PDE1C: variants seen among roughly 807,000 people sequenced by gnomAD.
The protein encoded by PDE1C is phosphodiesterase 1C.
Under a neutral mutation model 93.1 loss-of-function variants are expected in PDE1C, and 62 were observed. The ratio of observed to expected loss-of-function variants is 0.67; its 90% CI spans 0.54 to 0.82. The LOEUF is 0.82. Ranked by LOEUF, PDE1C falls within the 40% of genes least tolerant of loss-of-function variation. PDE1C has a pLI of 0.00. For missense variants in PDE1C, 742 were observed against 884.6 expected (o/e 0.84, Z 2.04); for synonymous variants, 325 against 310.1 (o/e 1.05, Z -0.50).
intron 15 of PDE1C, among the ~76,000 whole-genome samples, chr7:31,811,510 A>G (rs1787545242): frequency 6.6e-6 from 1 of 152,086 alleles, no homozygotes; most frequent in Non-Finnish European, 1.5e-5. Context: ...AGGTCCCACA[A>G]AACAGTCCAA....
intron 2 of PDE1C, among the ~76,000 whole-genome samples, chr7:31,984,104 A>G (rs962658123): frequency 2.6e-5 from 4 of 152,272 alleles, no homozygotes; most frequent in Admixed American, 6.5e-5. Context: ...GGAAAGGGCT[A>G]GATCAGGGGT....
At chr7:31,760,049 C>A (rs6945316) in intron 17 of PDE1C, among the ~76,000 whole-genome samples, 66,650 of 151,944 alleles carry the variant, frequency 0.44, 14,999 homozygotes, top group Non-Finnish European at 0.47. Context: ...TATTAGTCTA[C>A]TGGAAACCAA....
chr7:31,897,575 G>A (rs556184097), intron 2 of PDE1C, among the ~76,000 whole-genome samples: 2 of 152,186 alleles, frequency 1.3e-5, no homozygotes, highest in Admixed American at 6.5e-5. Context: ...TCACAATGAC[G>A]AGAGCATATT....
chr7:32,265,476 C>T (rs1004982909), intron 1 of PDE1C, among the ~76,000 whole-genome samples: 10 of 152,108 alleles, frequency 6.6e-5, no homozygotes, highest in Non-Finnish European at 1.2e-4. Context: ...ATGTAATGGA[C>T]GCCACTATAT....
chr7:32,225,294 T>C (rs1483795380), intron 1 of PDE1C, among the ~76,000 whole-genome samples: 1 of 152,068 alleles, frequency 6.6e-6, no homozygotes, highest in Non-Finnish European at 1.5e-5. Flanking sequence ...CGTCTCCCTT[T>C]GTATAAGTTT....
At chr7:31,643,416 T>A in the PDE1C span, 2 of 1,613,972 alleles carry the variant, frequency 1.2e-6, no homozygotes, top group Non-Finnish European at 1.7e-6. Context: ...CAAGGTCTGG[T>A]ACTTTGGGTC....
At chr7:31,832,240 T>C (rs144286286) in intron 11 of PDE1C, among the ~76,000 whole-genome samples, 120 of 152,310 alleles carry the variant, frequency 7.9e-4, no homozygotes, top group Middle Eastern at 3.4e-3. Context: ...AAAAGAATTG[T>C]AAGAGATGTT....
chr7:32,368,024 A>G (rs1188137886), intron 1 of PDE1C, among the ~76,000 whole-genome samples: 1 of 152,114 alleles, frequency 6.6e-6, no homozygotes, highest in Non-Finnish European at 1.5e-5. Context: ...TCTCAACACA[A>G]TAAAGGCTAT....
chr7:31,753,802 G>T (rs926432267), intron 17 of PDE1C, among the ~76,000 whole-genome samples: 1 of 152,178 alleles, frequency 6.6e-6, no homozygotes, highest in African/African-American at 2.4e-5. Flanking sequence ...GTACATAAAG[G>T]TCCTTTGACA....
chr7:31,759,400 C>T (rs199725812), intron 17 of PDE1C, among the ~76,000 whole-genome samples: 1 of 152,148 alleles, frequency 6.6e-6, no homozygotes, highest in Admixed American at 6.5e-5. Context: ...TCCAACCAGT[C>T]GTACAATCCC....
chr7:32,063,414 T>C (rs371409229), intron 1 of PDE1C, among the ~76,000 whole-genome samples: 259 of 152,212 alleles, frequency 1.7e-3, no homozygotes, highest in South Asian at 0.013. Context: ...CCAAAGAAAA[T>C]TAAAGATTGA....
At chr7:32,078,845 T>C (rs992291771) in intron 3 of PDE1C, among the ~76,000 whole-genome samples, 1 of 151,370 alleles carries the variant, frequency 6.6e-6, no homozygotes, top group African/African-American at 2.4e-5. Flanking sequence ...GAGGATTGCT[T>C]GAGCCCAGGG....
At chr7:31,744,174 T>G in the PDE1C span, among the ~76,000 whole-genome samples, 1 of 152,148 alleles carries the variant, frequency 6.6e-6, no homozygotes, top group Non-Finnish European at 1.5e-5. Context: ...CTGTCTTTAT[T>G]ATATTTACTA....
chr7:32,090,598 A>G (rs868479606), intron 3 of PDE1C, among the ~76,000 whole-genome samples: 3 of 152,192 alleles, frequency 2.0e-5, no homozygotes, highest in African/African-American at 7.2e-5. Flanking sequence ...CAGACCAATA[A>G]TGGAGTTTGG....
At chr7:31,979,386 A>G (rs562750880) in intron 2 of PDE1C, among the ~76,000 whole-genome samples, 29 of 152,356 alleles carry the variant, frequency 1.9e-4, no homozygotes, top group African/African-American at 6.7e-4. Context: ...TAAGAATTAA[A>G]TAATTCAAGT....
chr7:31,678,005 A>T, the PDE1C span, among the ~76,000 whole-genome samples: 2 of 152,120 alleles, frequency 1.3e-5, no homozygotes, highest in Non-Finnish European at 2.9e-5. Context: ...TAGTTTGAAG[A>T]TACAATAAAA....
At chr7:31,979,856 G>C (rs1053831440) in intron 2 of PDE1C, among the ~76,000 whole-genome samples, 2 of 152,196 alleles carry the variant, frequency 1.3e-5, no homozygotes, top group South Asian at 4.1e-4. Context: ...AACTACAGCA[G>C]ATGCTGGTAT....
the PDE1C span, among the ~76,000 whole-genome samples, chr7:31,714,147 C>A: frequency 6.6e-6 from 1 of 152,162 alleles, no homozygotes; most frequent in Non-Finnish European, 1.5e-5. Flanking sequence ...TAACAGCACC[C>A]AAGTCACCCC....
At chr7:32,054,916 A>C (rs1015294670) in intron 1 of PDE1C, among the ~76,000 whole-genome samples, 13 of 152,086 alleles carry the variant, frequency 8.5e-5, no homozygotes, top group African/African-American at 3.1e-4. Flanking sequence ...ACTGAGCCCT[A>C]CTCATCCTTC....
Sources: gnomAD v4.1 joint callset for allele counts (sites outside exome capture counted in the v4.1 genomes callset) on GRCh38, gnomAD v4.1.1 for gene constraint, MANE v1.5 for transcripts, NCBI Gene and HGNC (gene_info 2026-07-23, HGNC 2026-07-21) for gene names.